Variants in YWHAQ observed in about 807,000 individuals in gnomAD.
The protein encoded by YWHAQ is tyrosine 3-monooxygenase/tryptophan 5-monooxygenase activation protein theta, also known as 14-3-3 protein theta.
YWHAQ carries 6 observed loss-of-function variants against 28.3 expected under a neutral mutation model. The ratio of observed to expected loss-of-function variants is 0.21; its 90% confidence interval spans 0.12 to 0.42. The LOEUF is 0.42. Among genes scored for constraint, YWHAQ ranks in the 10% least tolerant of loss-of-function variants. The pLI, the probability that YWHAQ is intolerant of heterozygous loss-of-function variation, is 1.00. For synonymous variants in YWHAQ, 143 were observed against 119.1 expected, an observed-to-expected ratio of 1.20 and a Z score of -1.31; for missense variants, 201 against 305.6, an observed-to-expected ratio of 0.66 and a Z score of 2.55.
At chr2:9,606,953 T>C (rs1227790012) in intron 2 of YWHAQ, among the ~76,000 whole-genome samples, 2 of 150,926 alleles carry the variant, frequency 1.3e-5, no homozygotes, top group African/African-American at 4.9e-5. Context: ...AGCATAATCT[T>C]GGCTCACTGC....
At chr2:9,628,161 A>G (rs1667285985) in intron 2 of YWHAQ, among the ~76,000 whole-genome samples, 1 of 151,774 alleles carries the variant, frequency 6.6e-6, no homozygotes, top group Admixed American at 6.5e-5. Flanking sequence ...TGCTTTCCCA[A>G]GATATTTTTT....
Position 9,628,220 on chromosome 2 carries a change from T to C in YWHAQ, c.294+1939A>G, listed in dbSNP as rs1212702733. ...TTAGCCTCTTAAGCCATTTTATGAA[T>C]ATTTCATTTATGCCTTGGTGTCTCG... On this transcript the variant is annotated intron_variant, in intron 2 of 5. Coordinates refer to ENST00000238081, the MANE Select transcript of YWHAQ (RefSeq NM_006826.4). 3.3e-4 allele frequency among the ~76,000 whole-genome samples: 50 copies of C among 152,354 alleles called. 1 individual carries two copies. Among genetic ancestry groups the C allele is most frequent in the Non-Finnish European group, 4.4e-5 (3 of 68,026 alleles).
intron 5 of YWHAQ, among the ~76,000 whole-genome samples, chr2:9,585,548 A>G (rs1310173419): frequency 1.3e-5 from 2 of 152,196 alleles, no homozygotes; most frequent in Non-Finnish European, 2.9e-5. Context: ...CTATGCACTT[A>G]CAAAATGACA....
rs143184181 is a variant in YWHAQ at position 9,621,596 on chromosome 2, G to GTT, written c.294+8561_294+8562dup. On this transcript the variant is annotated intron_variant, in intron 2 of 5. Coordinates refer to ENST00000238081, the MANE Select transcript of YWHAQ (RefSeq NM_006826.4). Reference sequence around the variant, plus strand: ...AGACATAAGTACAGGCATATCACTAGTTTTTTTTCAAAGCAAAATTTACAT... The same window carrying GTT: ...AGACATAAGTACAGGCATATCACTAGTTTTTTTTTTCAAAGCAAAATTTACAT... Among the ~76,000 whole-genome samples, 722 of 151,706 alleles carry GTT rather than the reference G, an allele frequency of 4.8e-3. 7 individuals are homozygous for GTT. Among genetic ancestry groups the GTT allele is most frequent in the African/African-American group, 0.017 (688 of 41,334 alleles).
At chr2:9,600,452 A>T (rs1666670733) in intron 2 of YWHAQ, among the ~76,000 whole-genome samples, 1 of 152,164 alleles carries the variant, frequency 6.6e-6, no homozygotes, top group Non-Finnish European at 1.5e-5. Flanking sequence ...CATGCCTATA[A>T]TCCCAGCACT....
At chr2:9,626,592 C>G (rs1247333989) in intron 2 of YWHAQ, among the ~76,000 whole-genome samples, 1 of 152,176 alleles carries the variant, frequency 6.6e-6, no homozygotes, top group African/African-American at 2.4e-5. Context: ...CCACGCCTGG[C>G]TAATTTTTTT....
intron 2 of YWHAQ, among the ~76,000 whole-genome samples, chr2:9,628,292 G>C (rs1168983383): frequency 6.6e-6 from 1 of 152,194 alleles, no homozygotes; most frequent in Non-Finnish European, 1.5e-5. Context: ...ATATAAAAGA[G>C]ACTGTCCTAA....
At chr2:9,629,964 T>C (rs1376901749) in intron 2 of YWHAQ, among the ~76,000 whole-genome samples, 195 bp downstream of exon 2, 3 of 152,136 alleles carry the variant, frequency 2.0e-5, no homozygotes, top group African/African-American at 7.2e-5. Context: ...AAAAAAGGAC[T>C]TATCCTTGGA....
At chr2:9,623,006 T>C (rs565706534) in intron 2 of YWHAQ, among the ~76,000 whole-genome samples, 121 of 152,346 alleles carry the variant, frequency 7.9e-4, no homozygotes, top group Admixed American at 2.1e-3. Context: ...CTGGTCTTAA[T>C]GATAAAAATA....
chr2:9,611,821 C>A (rs1480872707), intron 2 of YWHAQ, among the ~76,000 whole-genome samples: 3 of 151,992 alleles, frequency 2.0e-5, no homozygotes, highest in African/African-American at 4.8e-5. Flanking sequence ...CAGGTGTGCA[C>A]CACCACGCCC....
At chr2:9,595,741 T>TA (rs1377747404) in intron 2 of YWHAQ, among the ~76,000 whole-genome samples, 2 of 150,856 alleles carry the variant, frequency 1.3e-5, no homozygotes, top group Non-Finnish European at 2.9e-5. Flanking sequence ...GGAGTATAGT[T>TA]AGATGTTCCC....
chr2:9,604,817 C>T (rs1666785399), intron 2 of YWHAQ, among the ~76,000 whole-genome samples: 1 of 152,200 alleles, frequency 6.6e-6, no homozygotes, highest in African/African-American at 2.4e-5. Context: ...TAAGAATCTA[C>T]AGTAATTCTG....
chr2:9,589,731 A>C (rs781571589), intron 3 of YWHAQ, among the ~76,000 whole-genome samples: 14 of 152,218 alleles, frequency 9.2e-5, no homozygotes, highest in Non-Finnish European at 1.9e-4. Context: ...TTGAAAGGCA[A>C]TATAAAAGTT....
At chr2:9,586,792 C>G (rs993369697) in intron 5 of YWHAQ, among the ~76,000 whole-genome samples, 7 of 152,180 alleles carry the variant, frequency 4.6e-5, no homozygotes, top group Admixed American at 2.6e-4. Flanking sequence ...CTTTTTCCTT[C>G]TGTGAAGTCT....
rs547582835 is a variant in YWHAQ at position 9,597,985 on chromosome 2, A to ATTTTTTTTTTTTT, written c.295-6483_295-6471dup. Among the ~76,000 whole-genome samples the ATTTTTTTTTTTTT allele has an allele frequency of 1.8e-4, 11 of 62,478 alleles. 2 individuals carry two copies. Among genetic ancestry groups the ATTTTTTTTTTTTT allele is most frequent in the African/African-American group, 5.4e-4 (9 of 16,676 alleles). The allele number at this position is 62,478 out of a possible 152,430, so 41.0% of individuals were successfully genotyped here. A position where few individuals can be genotyped will look rare whatever the true frequency, so the allele number is the denominator to read the frequency against. On this transcript the variant is annotated intron_variant, in intron 2 of 5. Coordinates refer to ENST00000238081, the MANE Select transcript of YWHAQ (RefSeq NM_006826.4). ...CAGGCATGCACCACCATGCCGGGCT[A>ATTTTTTTTTTTTT]TTTTTTTTTTTTTTTTTTTTTTTTT...
In YWHAQ at chr2:9,591,525, A is replaced by G. The variant is rs763862962; in HGVS notation, c.295-10T>C. 3.1e-6 allele frequency: 5 copies of G among 1,602,814 alleles called. No homozygotes were observed. The highest frequency in any genetic ancestry group is 2.2e-5 in the East Asian group (1 of 44,618). ...ATTTATCCAACAATTCCTGAAATAAATAAGACAGAACATTAGGCACTAAAC... is the reference window on the plus strand; with the variant it reads ...ATTTATCCAACAATTCCTGAAATAAGTAAGACAGAACATTAGGCACTAAAC... On this transcript the variant is annotated splice_polypyrimidine_tract_variant and intron_variant, in intron 2 of 5. Transcript: ENST00000238081.
At chr2:9,613,987 A>T (rs763331207) in intron 2 of YWHAQ, among the ~76,000 whole-genome samples, 1 of 152,192 alleles carries the variant, frequency 6.6e-6, no homozygotes, top group African/African-American at 2.4e-5. Context: ...TATTAGAGAA[A>T]ATCAGAGTGT....
intron 2 of YWHAQ, among the ~76,000 whole-genome samples, chr2:9,611,531 G>C (rs1666946595): frequency 6.6e-6 from 1 of 152,146 alleles, no homozygotes; most frequent in South Asian, 2.1e-4. Flanking sequence ...AAACTCACAA[G>C]AGTAATGCTA....
intron 2 of YWHAQ, among the ~76,000 whole-genome samples, chr2:9,610,935 CTCTT>C (rs1157279686): frequency 6.6e-6 from 1 of 152,202 alleles, no homozygotes; most frequent in Non-Finnish European, 1.5e-5. Context: ...AGTCACCCTA[CTCTT>C]TCTTTGGACT....
Sources: allele counts gnomAD v4.1 joint callset (sites outside exome capture counted in the v4.1 genomes callset), GRCh38; gene constraint gnomAD v4.1.1; transcripts MANE v1.5; gene names NCBI Gene and HGNC (gene_info 2026-07-23, HGNC 2026-07-21).